The following PELP1 variants were observed in gnomAD, a reference collection of about 807,000 sequenced individuals.
PELP1 encodes the protein proline, glutamate and leucine rich protein 1, also known as proline-, glutamic acid- and leucine-rich protein 1.
In PELP1, 32 loss-of-function variants were observed where a neutral mutation model predicts 95.5. That is an observed-to-expected ratio of 0.34 (90% CI 0.25 to 0.45). PELP1 has a LOEUF of 0.45. PELP1 is among the 20% of genes least tolerant of loss of function. The pLI is 1.00. For synonymous variants in PELP1, 668 were observed against 600.1 expected (o/e 1.11, Z -1.65); for missense variants, 1,358 against 1,444.8 (o/e 0.94, Z 0.97).
At chr17:4,691,235 CA>C in intron 2 of PELP1, 142 bp downstream of exon 2, 3 of 701,120 alleles carry the variant, frequency 4.3e-6, no homozygotes. Context: ...AGTGAGCTCA[CA>C]AAAGGAATGT....
chr17:4,672,825 C>G lies in PELP1; in HGVS notation c.2166G>C (p.Arg722=). 1 of 1,613,836 alleles carries G rather than the reference C, an allele frequency of 6.2e-7. No individual in the cohort carries two copies. Among genetic ancestry groups the G allele is most frequent in the Non-Finnish European group, 8.5e-7 (1 of 1,179,818 alleles). ...GGTGGTTCTCAGGGCCAGGAAGAAG[C>G]CGGGGAGGGACAGACACTAGGCCTG... The part of the protein sequence containing the change: ...SVPGLVSVPP[R]LLPGPENHRA... The change falls in exon 16 of 17, where the codon CGG becomes CGC. Residue 722 remains arginine (R), a synonymous_variant. Transcript: ENST00000572293.
chr17:4,685,252 A>C (rs1479645080), intron 3 of PELP1, among the ~76,000 whole-genome samples: 1 of 152,058 alleles, frequency 6.6e-6, no homozygotes, highest in Non-Finnish European at 1.5e-5. Context: ...CCACCTCAGG[A>C]GGCACACACG....
chr17:4,680,328 A>C (rs1157903996), intron 5 of PELP1, among the ~76,000 whole-genome samples: 1 of 152,122 alleles, frequency 6.6e-6, no homozygotes, highest in Non-Finnish European at 1.5e-5. Context: ...CCCAGGCTGG[A>C]GTACAGTGGT....
At chr17:4,697,053 T>C (rs1484253854) in intron 1 of PELP1, among the ~76,000 whole-genome samples, 1 of 151,702 alleles carries the variant, frequency 6.6e-6, no homozygotes, top group Non-Finnish European at 1.5e-5. Context: ...ACTCAAGAGG[T>C]GTGGGCCTTG....
At chr17:4,700,517 G>A (rs1913481999) in intron 1 of PELP1, among the ~76,000 whole-genome samples, 1 of 152,008 alleles carries the variant, frequency 6.6e-6, no homozygotes, top group Non-Finnish European at 1.5e-5. Context: ...GGTGGCAGGT[G>A]CCTGTAATCC....
chr17:4,688,517 T>C (rs780527645), intron 3 of PELP1, among the ~76,000 whole-genome samples: 1 of 152,100 alleles, frequency 6.6e-6, no homozygotes, highest in Non-Finnish European at 1.5e-5. Context: ...AAAATCAATG[T>C]ATACACATCA....
In PELP1 at chr17:4,704,114, T is replaced by G; in HGVS notation, c.-3A>C. The G allele has an allele frequency of 6.2e-7, 1 of 1,603,870 alleles. No individual in the cohort carries two copies. The highest frequency in any genetic ancestry group is 8.5e-7 in the Non-Finnish European group (1 of 1,177,332). On this transcript the variant is annotated 5_prime_UTR_variant, in exon 1 of 17. Transcript: ENST00000572293. Reference sequence around the variant, plus strand: ...CCACTCAGAACGGCTGCCGCCATCTTCCCCCGGGTTCCAGTGGTGGCGTGG... The same window carrying G: ...CCACTCAGAACGGCTGCCGCCATCTGCCCCCGGGTTCCAGTGGTGGCGTGG...
intron 3 of PELP1, 155 bp from the exon 4 acceptor site, chr17:4,683,107 G>A (rs1295001664): frequency 1.2e-5 from 15 of 1,295,680 alleles, no homozygotes; most frequent in South Asian, 8.4e-5. Context: ...GTGGAGACAC[G>A]GATACTGTGT....
chr17:4,703,623 T>C (rs1229420204), intron 1 of PELP1, among the ~76,000 whole-genome samples: 1 of 152,240 alleles, frequency 6.6e-6, no homozygotes, highest in Non-Finnish European at 1.5e-5. Flanking sequence ...AATCGATTCC[T>C]GTGTGCCGAC....
At chr17:4,699,296 C>T (rs564052722) in intron 1 of PELP1, among the ~76,000 whole-genome samples, 14 of 152,036 alleles carry the variant, frequency 9.2e-5, no homozygotes, top group African/African-American at 2.7e-4. Context: ...AGGAGAATGA[C>T]GTGAACCCGG....
In PELP1 at chr17:4,675,350, C is replaced by G. The variant is rs548052628; in HGVS notation, c.1081G>C (p.Asp361His). ...VSSKNISLHG[D>H]GPLRLLLLPS... ...AGCAGCAGCAGCCGCAGGGGACCAT[C>G]TCCATGCAAGCTCTGGAGAAAAAAG... The change falls in exon 10 of 17, where the codon GAT becomes CAT. Residue 361 changes from aspartate (D) to histidine (H), a missense_variant. Transcript: ENST00000572293. The surrounding 1 kb of genome is among the most constrained non-coding windows in gnomAD (Gnocchi z 4.3). 9 of 1,545,804 alleles carry G rather than the reference C, an allele frequency of 5.8e-6. No homozygotes were observed. Among genetic ancestry groups the G allele is most frequent in the Non-Finnish European group, 7.9e-6 (9 of 1,141,110 alleles).
chr17:4,699,074 T>C (rs1913417695), intron 1 of PELP1, among the ~76,000 whole-genome samples: 1 of 152,154 alleles, frequency 6.6e-6, no homozygotes, highest in Admixed American at 6.6e-5. Context: ...ATAACATAAA[T>C]ATGCATTTAA....
intron 7 of PELP1, 54 bp downstream of exon 7, chr17:4,676,303 T>C: frequency 6.3e-7 from 1 of 1,593,810 alleles, no homozygotes; most frequent in South Asian, 1.1e-5. Flanking sequence ...CTCCTGTTCC[T>C]TCCTGCCACG....
chr17:4,699,195 C>T (rs1220738921), intron 1 of PELP1, among the ~76,000 whole-genome samples: 1 of 152,072 alleles, frequency 6.6e-6, no homozygotes, highest in African/African-American at 2.4e-5. Context: ...CTGGCTAACA[C>T]GGTGAAACCC....
At chr17:4,701,112 T>A (rs964928970) in intron 1 of PELP1, among the ~76,000 whole-genome samples, 1 of 151,756 alleles carries the variant, frequency 6.6e-6, no homozygotes, top group Non-Finnish European at 1.5e-5. Flanking sequence ...AAATACTATT[T>A]ATGTCTGAAA....
At chr17:4,677,024 TGCTTGGGAGCGAAAAGGGCCTG>T (rs1912508185) in intron 5 of PELP1, among the ~76,000 whole-genome samples, 1 of 152,168 alleles carries the variant, frequency 6.6e-6, no homozygotes, top group African/African-American at 2.4e-5. Context: ...CTCGGCTTCC[TGCTTGGGAGCGAAAAGGGCCTG>T]GCCCTGTCCC....
At chr17:4,701,773 C>T (rs4790688) in intron 1 of PELP1, among the ~76,000 whole-genome samples, 99,680 of 152,006 alleles carry the variant, frequency 0.66, 33,469 homozygotes, top group East Asian at 0.82. Flanking sequence ...AGGAACAGTA[C>T]GTAAAACATA....
rs34278447 is a variant in PELP1, at chr17:4,700,992, TAAAAAAAA to T, written c.249+2863_249+2870del. 4.8e-4 allele frequency among the ~76,000 whole-genome samples: 14 copies of T among 29,434 alleles called. No homozygotes were observed. The East Asian group carries it at 9.9e-3, about 21-fold the overall frequency. The allele number at this position is 29,434 out of a possible 152,430, so 19.3% of individuals were successfully genotyped here. Reference sequence around the variant, plus strand: ...AAAGAAAGAAAAAGCAAAGTTCCACTAAAAAAAAAAAAAAAAAAAAAAAGCCAAGCTAT... The same window carrying T: ...AAAGAAAGAAAAAGCAAAGTTCCACTAAAAAAAAAAAAAAAGCCAAGCTAT... On this transcript the variant is annotated intron_variant, in intron 1 of 16. Coordinates refer to ENST00000572293, the MANE Select transcript of PELP1 (RefSeq NM_014389.3).
intron 1 of PELP1, among the ~76,000 whole-genome samples, chr17:4,692,913 G>C (rs562286216): frequency 6.6e-6 from 1 of 152,218 alleles, no homozygotes; most frequent in Admixed American, 6.5e-5. Context: ...GGGAGGCTGA[G>C]GCAGGAGACT....
Sources: allele counts gnomAD v4.1 joint callset (sites outside exome capture counted in the v4.1 genomes callset), GRCh38; gene constraint gnomAD v4.1.1; non-coding constraint Gnocchi (gnomAD v3.1); transcripts MANE v1.5; gene names NCBI Gene and HGNC (gene_info 2026-07-23, HGNC 2026-07-21).